Variants in MEIS2 observed in about 807,000 individuals in gnomAD.
MEIS2 encodes the protein Meis homeobox 2, also known as homeobox protein Meis2.
Under a neutral mutation model 58.6 loss-of-function variants are expected in MEIS2, and 9 were observed. The ratio of observed to expected loss-of-function variants is 0.15; its 90% CI spans 0.09 to 0.27. The LOEUF is 0.27. MEIS2 is among the 10% of genes least tolerant of loss of function. MEIS2 has a pLI of 1.00. For missense variants in MEIS2, 427 were observed against 635.0 expected, an observed-to-expected ratio of 0.67 and a Z score of 3.52; for synonymous variants, 221 against 228.4, an observed-to-expected ratio of 0.97 and a Z score of 0.29.
intron 7 of MEIS2, 30 bp from the exon 8 acceptor site, chr15:37,036,989 GA>G: frequency 6.3e-7 from 1 of 1,578,422 alleles, no homozygotes; most frequent in Non-Finnish European, 8.6e-7. Flanking sequence ...ATACATTAGA[GA>G]AAACATCGCA....
At chr15:36,955,590 G>A (rs2058929708) in intron 8 of MEIS2, among the ~76,000 whole-genome samples, 1 of 152,150 alleles carries the variant, frequency 6.6e-6, no homozygotes, top group South Asian at 2.1e-4. Context: ...ACCTATAGAA[G>A]TTGTAATAAC....
At chr15:36,981,901 T>A (rs1383029639) in intron 8 of MEIS2, among the ~76,000 whole-genome samples, 17 of 152,136 alleles carry the variant, frequency 1.1e-4, no homozygotes, top group Admixed American at 1.1e-3. Context: ...TCAGAACTGC[T>A]GATTCTTGGG....
chr15:37,077,729 A>T (rs978417829), intron 7 of MEIS2, among the ~76,000 whole-genome samples: 1 of 151,862 alleles, frequency 6.6e-6, no homozygotes, highest in African/African-American at 2.4e-5. Flanking sequence ...GGGAGGGGGA[A>T]GGGGGCGCGG....
At chr15:36,949,472 A>G (rs1247883737) in intron 9 of MEIS2, among the ~76,000 whole-genome samples, 4 of 152,204 alleles carry the variant, frequency 2.6e-5, no homozygotes, top group Admixed American at 1.3e-4. Flanking sequence ...GAGACTTCTC[A>G]TTTGTAAATA....
intron 8 of MEIS2, among the ~76,000 whole-genome samples, chr15:36,960,268 T>C (rs1056332995): frequency 6.6e-6 from 1 of 151,534 alleles, no homozygotes; most frequent in African/African-American, 2.4e-5. Context: ...TTCAAAAAGG[T>C]TATTATCTCT....
intron 9 of MEIS2, among the ~76,000 whole-genome samples, chr15:36,915,777 C>T (rs2057248971): frequency 6.6e-6 from 1 of 152,294 alleles, no homozygotes; most frequent in Admixed American, 6.5e-5. Context: ...CTAAATAGGG[C>T]TCATTGAGTC....
At chr15:36,965,795 A>AG (rs886801004) in intron 8 of MEIS2, among the ~76,000 whole-genome samples, 1 of 152,346 alleles carries the variant, frequency 6.6e-6, no homozygotes, top group Non-Finnish European at 1.5e-5. Context: ...GATAATGACC[A>AG]GGAGACTAAC....
At chr15:37,007,897 C>T (rs932213358) in intron 8 of MEIS2, among the ~76,000 whole-genome samples, 4 of 152,112 alleles carry the variant, frequency 2.6e-5, no homozygotes, top group African/African-American at 9.7e-5. Flanking sequence ...GGTCTGCAGA[C>T]CTCTAGAAAA....
intron 9 of MEIS2, among the ~76,000 whole-genome samples, chr15:36,901,645 C>T (rs1280374135): frequency 6.6e-6 from 1 of 152,118 alleles, no homozygotes; most frequent in Non-Finnish European, 1.5e-5. Flanking sequence ...GATTTGCCTA[C>T]ACCTTTAAAA....
rs764392078 is a variant in MEIS2 at position 37,093,758 on chromosome 15, T to TA, written c.490-29dup. 6 of 1,609,856 alleles carry TA rather than the reference T, an allele frequency of 3.7e-6. No individual in the cohort carries two copies. In the Admixed American group the frequency reaches 6.7e-5, roughly 18 times the overall value. ...AGAACGAAGGTCATGGTGGAGGGTT[T>TA]AGCTCATGTTGTTGTTGTTGTTGTT... On this transcript the variant is annotated intron_variant, in intron 5 of 11. Coordinates refer to ENST00000561208, the MANE Select transcript of MEIS2 (RefSeq NM_170675.5).
chr15:37,009,235 G>A (rs2061039049), intron 8 of MEIS2, among the ~76,000 whole-genome samples: 1 of 152,130 alleles, frequency 6.6e-6, no homozygotes, highest in Non-Finnish European at 1.5e-5. Flanking sequence ...CTTGCAGTGA[G>A]CCGAGATCGC....
chr15:37,012,467 C>T (rs1410013334), intron 8 of MEIS2, among the ~76,000 whole-genome samples: 1 of 152,156 alleles, frequency 6.6e-6, no homozygotes, highest in South Asian at 2.1e-4. Context: ...TATTCATAGG[C>T]CTGTTACAAA....
chr15:36,927,224 C>A (rs934192496), intron 9 of MEIS2, among the ~76,000 whole-genome samples: 1 of 152,092 alleles, frequency 6.6e-6, no homozygotes, highest in Non-Finnish European at 1.5e-5. Context: ...GCTAGCCCCC[C>A]TGAAGATGAG....
intron 8 of MEIS2, among the ~76,000 whole-genome samples, chr15:36,988,620 G>T (rs1281926247): frequency 6.6e-6 from 1 of 152,162 alleles, no homozygotes; most frequent in Non-Finnish European, 1.5e-5. Context: ...TAGTGGATTT[G>T]TAGAAAGAAG....
intron 8 of MEIS2, among the ~76,000 whole-genome samples, chr15:36,970,355 G>A (rs560605078): frequency 6.7e-6 from 1 of 150,290 alleles, no homozygotes; most frequent in African/African-American, 2.5e-5. Flanking sequence ...AGTGAGCCGA[G>A]ATCGCGCCAC....
chr15:36,991,783 C>CTTTTTTTTTTTTT (rs11285545), intron 8 of MEIS2, among the ~76,000 whole-genome samples: 1,023 of 51,026 alleles, frequency 0.02, 8 homozygotes, highest in Middle Eastern at 0.029. Flanking sequence ...TTTTTTTTTT[C>CTTTTTTTTTTTTT]TTTTTTTTTT....
rs1319304063 is a variant in MEIS2, at chr15:36,889,869, T to C, written c.*2304A>G. 1 of 152,240 alleles carries C rather than the reference T, an allele frequency of 6.6e-6. No individual in the cohort carries two copies. The highest frequency in any genetic ancestry group is 1.5e-5 in the Non-Finnish European group (1 of 68,026). 9.4% of individuals were successfully genotyped at this position (152,240 alleles called of 1,614,324 possible). The stretch of plus-strand genomic sequence containing the variant: ...AAAAATGAGAGGGAAGCTATCTCTC[T>C]TTCCCAAGTGGCACTGAATTTCTCT... On this transcript the variant is annotated 3_prime_UTR_variant, in exon 12 of 12. Coordinates refer to ENST00000561208, the MANE Select transcript of MEIS2 (RefSeq NM_170675.5).
At chr15:36,904,876 G>C (rs2056653200) in intron 9 of MEIS2, among the ~76,000 whole-genome samples, 2 of 152,174 alleles carry the variant, frequency 1.3e-5, no homozygotes, top group South Asian at 4.1e-4. Context: ...GCATTGTCTT[G>C]CTAAGAATTA....
intron 10 of MEIS2, among the ~76,000 whole-genome samples, chr15:36,895,525 A>T (rs2056128078): frequency 6.6e-6 from 1 of 152,070 alleles, no homozygotes; most frequent in Admixed American, 6.5e-5. Context: ...TTATCTCTTG[A>T]TTAGGGGGAC....
Sources: allele counts gnomAD v4.1 joint callset (sites outside exome capture counted in the v4.1 genomes callset), GRCh38; gene constraint gnomAD v4.1.1; transcripts MANE v1.5; gene names NCBI Gene and HGNC (gene_info 2026-07-23, HGNC 2026-07-21).